CTNNA3: variants seen among roughly 807,000 people sequenced by gnomAD.
CTNNA3 encodes catenin alpha-3.
CTNNA3 carries 76 observed loss-of-function variants against 95.7 expected under a neutral mutation model. The ratio of observed to expected loss-of-function variants is 0.79; its 90% CI spans 0.66 to 0.96. The LOEUF (loss-of-function observed/expected upper bound fraction) is 0.96. Ranked by LOEUF, CTNNA3 falls within the 40% of genes least tolerant of loss-of-function variation. CTNNA3 has a pLI of 0.00. For synonymous variants in CTNNA3, 431 were observed against 374.4 expected (o/e 1.15, Z -1.74); for missense variants, 1,191 against 1,089.8 (o/e 1.09, Z -1.31).
intron 7 of CTNNA3, among the ~76,000 whole-genome samples, chr10:67,043,123 C>A (rs1270577717): frequency 1.5e-5 from 2 of 131,350 alleles, no homozygotes; most frequent in Non-Finnish European, 3.2e-5. Context: ...TGCCTCAAGG[C>A]TCACTTTCTT....
At chr10:67,407,915 G>A (rs2132827762) in intron 5 of CTNNA3, among the ~76,000 whole-genome samples, 1 of 152,154 alleles carries the variant, frequency 6.6e-6, no homozygotes, top group South Asian at 2.1e-4. Context: ...AGAAATCAGA[G>A]ATGACACAAA....
intron 13 of CTNNA3, among the ~76,000 whole-genome samples, chr10:66,224,665 G>A (rs12774932): frequency 0.078 from 11,838 of 152,122 alleles, 600 homozygotes; most frequent in Admixed American, 0.13. Context: ...TAACTAATAG[G>A]CTTCCTTAAG....
At position 67,032,937 on chromosome 10, in the gene CTNNA3, T is replaced by C. The variant is rs1295096190; in HGVS notation, c.1047+147380A>G. Among the ~76,000 whole-genome samples, 2 of 152,190 alleles carry C rather than the reference T, an allele frequency of 1.3e-5. 1 individual carries two copies. The highest frequency in any genetic ancestry group is 4.8e-5 in the African/African-American group (2 of 41,446). ...ATTTAATTTTCAGCACACCATGGAA[T>C]CTGAAGTGATTCAGAATGGCTGGCT... On this transcript the variant is annotated intron_variant, in intron 7 of 17. Coordinates refer to ENST00000433211, the MANE Select transcript of CTNNA3 (RefSeq NM_013266.4).
intron 4 of CTNNA3, among the ~76,000 whole-genome samples, chr10:67,524,395 C>CAAAAAA (rs200850487): frequency 5.6e-4 from 39 of 70,262 alleles, no homozygotes; most frequent in Non-Finnish European, 6.2e-4. Flanking sequence ...GACTCTGTCT[C>CAAAAAA]AAAAAAAAAA....
At chr10:67,240,014 C>T (rs969213026) in intron 5 of CTNNA3, among the ~76,000 whole-genome samples, 13 of 152,184 alleles carry the variant, frequency 8.5e-5, no homozygotes, top group Non-Finnish European at 1.8e-4. Flanking sequence ...AAGAAAACTT[C>T]CTTACGAAGC....
At chr10:66,637,143 T>C (rs949987311) in intron 9 of CTNNA3, among the ~76,000 whole-genome samples, 3 of 152,184 alleles carry the variant, frequency 2.0e-5, no homozygotes, top group African/African-American at 7.2e-5. Context: ...GATTTTTGGA[T>C]AAATCAGAAA....
At chr10:66,837,985 C>T (rs1007121329) in intron 7 of CTNNA3, among the ~76,000 whole-genome samples, 29 of 152,056 alleles carry the variant, frequency 1.9e-4, no homozygotes, top group African/African-American at 6.0e-4. Context: ...ACCCCAGTGA[C>T]GGTACAGGTC....
At chr10:66,659,160 G>A (rs1846168781) in intron 9 of CTNNA3, among the ~76,000 whole-genome samples, 1 of 149,700 alleles carries the variant, frequency 6.7e-6, no homozygotes, top group Non-Finnish European at 1.5e-5. Context: ...TTTAGTTAGG[G>A]AGACAAAAAA....
At chr10:66,677,485 C>T (rs1472671637) in intron 9 of CTNNA3, among the ~76,000 whole-genome samples, 2 of 152,100 alleles carry the variant, frequency 1.3e-5, no homozygotes, top group East Asian at 3.9e-4. Flanking sequence ...TGTGTTCCCA[C>T]CCAAATCTCA....
chr10:66,215,133 G>A (rs894798421), intron 13 of CTNNA3, among the ~76,000 whole-genome samples: 1 of 152,172 alleles, frequency 6.6e-6, no homozygotes, highest in Non-Finnish European at 1.5e-5. Flanking sequence ...AAATAACAGG[G>A]ATGATGGTTT....
In CTNNA3 at chr10:67,741,592, C is replaced by T. The variant is rs538851970; in HGVS notation, c.-2+21842G>A. ...GACCATCGAGGCTAGGAAGAAACTG[C>T]GTCAACTAATGAGCAAAATAACCAG... On this transcript the variant is annotated intron_variant, in intron 1 of 17. Coordinates refer to the CTNNA3 transcript ENST00000684154. Among the ~76,000 whole-genome samples, 36 of 151,138 alleles carry T rather than the reference C, an allele frequency of 2.4e-4. 1 individual carries two copies. The highest frequency in any genetic ancestry group is 8.0e-4 in the African/African-American group (33 of 41,318).
intron 15 of CTNNA3, among the ~76,000 whole-genome samples, chr10:65,989,095 C>T (rs986123839): frequency 9.2e-5 from 14 of 152,086 alleles, no homozygotes; most frequent in Non-Finnish European, 1.8e-4. Flanking sequence ...CGCGCGCCAC[C>T]ATGCCCGGCT....
chr10:66,505,225 A>G (rs1194854770), intron 11 of CTNNA3, among the ~76,000 whole-genome samples: 2 of 152,316 alleles, frequency 1.3e-5, no homozygotes, highest in Non-Finnish European at 2.9e-5. Flanking sequence ...GATGTGTGAT[A>G]AATTCCAGTT....
At chr10:66,540,627 C>CTCCCT (rs1554814641) in intron 10 of CTNNA3, among the ~76,000 whole-genome samples, 2 of 151,812 alleles carry the variant, frequency 1.3e-5, no homozygotes, top group South Asian at 2.1e-4. Context: ...CTCCCCTCCC[C>CTCCCT]TCCCTTCCCT....
intron 7 of CTNNA3, among the ~76,000 whole-genome samples, chr10:66,877,176 C>T (rs187958506): frequency 1.4e-3 from 211 of 152,186 alleles, no homozygotes; most frequent in African/African-American, 4.9e-3. Context: ...TTTTGTGACC[C>T]CATCCTGGAC....
At chr10:67,387,086 T>C (rs1230844684) in intron 5 of CTNNA3, among the ~76,000 whole-genome samples, 2 of 152,200 alleles carry the variant, frequency 1.3e-5, no homozygotes, top group Non-Finnish European at 2.9e-5. Context: ...GGCTCTGGTC[T>C]ACAGCTCCCA....
intron 1 of CTNNA3, among the ~76,000 whole-genome samples, chr10:67,650,484 A>C (rs1167904355): frequency 6.6e-6 from 1 of 152,220 alleles, no homozygotes; most frequent in African/African-American, 2.4e-5. Flanking sequence ...AGAGAAAGAC[A>C]CCAAGGCAGG....
chr10:66,540,663 C>CCCTTTCTT (rs59005026), intron 10 of CTNNA3, among the ~76,000 whole-genome samples: 20 of 149,446 alleles, frequency 1.3e-4, no homozygotes, highest in South Asian at 2.2e-4. Flanking sequence ...CTTCCTTTCT[C>CCCTTTCTT]CCTTTCTTCC....
intron 7 of CTNNA3, among the ~76,000 whole-genome samples, chr10:67,088,886 T>C (rs1324649396): frequency 6.6e-6 from 1 of 151,910 alleles, no homozygotes; most frequent in East Asian, 1.9e-4. Flanking sequence ...TAAACTCAAC[T>C]AACTGCAAAT....
Sources: gnomAD v4.1 joint callset for allele counts (sites outside exome capture counted in the v4.1 genomes callset) on GRCh38, gnomAD v4.1.1 for gene constraint, MANE v1.5 for transcripts, NCBI Gene and HGNC (gene_info 2026-07-23, HGNC 2026-07-21) for gene names.